FAF1: variants seen among roughly 807,000 people sequenced by gnomAD.
The protein encoded by FAF1 is Fas associated factor 1.
A neutral mutation model predicts 92.5 loss-of-function variants in FAF1; 25 were observed. That is an observed-to-expected ratio of 0.27 (90% confidence interval 0.20 to 0.38). FAF1 has a LOEUF of 0.38. FAF1 is among the 10% of genes least tolerant of loss of function. The pLI, the probability that FAF1 is intolerant of heterozygous loss-of-function variation, is 1.00. For synonymous variants in FAF1, 234 were observed against 273.2 expected (o/e 0.86, Z 1.42); for missense variants, 636 against 793.3 (o/e 0.80, Z 2.38).
chr1:50,751,173 T>A, intron 4 of FAF1, among the ~76,000 whole-genome samples: 1 of 150,582 alleles, frequency 6.6e-6, no homozygotes, highest in Non-Finnish European at 1.5e-5. Flanking sequence ...GAGCTAAACT[T>A]AGAGCAAAGT....
intron 18 of FAF1, among the ~76,000 whole-genome samples, chr1:50,456,575 A>C (rs776003423): frequency 2.6e-5 from 4 of 152,212 alleles, no homozygotes; most frequent in African/African-American, 4.8e-5. Context: ...AACCAACCAA[A>C]CAAACAAAAA....
intron 1 of FAF1, among the ~76,000 whole-genome samples, chr1:50,927,867 C>T (rs1645018233): frequency 6.6e-6 from 1 of 152,042 alleles, no homozygotes; most frequent in Admixed American, 6.6e-5. Flanking sequence ...TCTCTATGTG[C>T]CCTAATCTCC....
At position 50,880,047 on chromosome 1, in the gene FAF1, C is replaced by T. The variant is rs12028663; in HGVS notation, c.46-22050G>A. Among the ~76,000 whole-genome samples the T allele has an allele frequency of 0.011, 1,672 of 152,258 alleles. 95 individuals carry two copies. In the East Asian group the frequency reaches 0.15, roughly 14 times the overall value. ...ATCTTCTCTATTATTTATGCTAAAG[C>T]AAACACAAGATAGCCTGGGTTAAAA... is the stretch of plus-strand genomic sequence containing the variant. On this transcript the variant is annotated intron_variant, in intron 1 of 18. Coordinates refer to ENST00000396153, the MANE Select transcript of FAF1 (RefSeq NM_007051.3).
chr1:50,825,077 T>C (rs1644083425), intron 2 of FAF1, among the ~76,000 whole-genome samples: 1 of 152,102 alleles, frequency 6.6e-6, no homozygotes, highest in African/African-American at 2.4e-5. Context: ...ATTTAGTGTG[T>C]ATTTCAAAAT....
intron 1 of FAF1, among the ~76,000 whole-genome samples, chr1:50,940,556 G>A (rs868001421): frequency 2.0e-5 from 3 of 152,276 alleles, no homozygotes; most frequent in Middle Eastern, 3.4e-3. Context: ...CAACATGCCT[G>A]GTCTACACCA....
intron 7 of FAF1, among the ~76,000 whole-genome samples, chr1:50,699,629 T>C (rs1292867915): frequency 6.6e-6 from 1 of 152,138 alleles, no homozygotes; most frequent in African/African-American, 2.4e-5. Flanking sequence ...ACTCAAAAAA[T>C]ACATAAGTAA....
chr1:50,597,974 C>T (rs1288777691), intron 8 of FAF1, among the ~76,000 whole-genome samples: 3 of 152,134 alleles, frequency 2.0e-5, no homozygotes, highest in South Asian at 2.1e-4. Context: ...CTACTATTCA[C>T]TCGAATCAAT....
At chr1:50,639,413 A>AT (rs1654213744) in intron 8 of FAF1, among the ~76,000 whole-genome samples, 1 of 152,170 alleles carries the variant, frequency 6.6e-6, no homozygotes, top group Non-Finnish European at 1.5e-5. Flanking sequence ...TTGCTGATAG[A>AT]TTTTTATCAT....
At chr1:50,488,048 T>C (rs1314983124) in intron 17 of FAF1, among the ~76,000 whole-genome samples, 5 of 152,164 alleles carry the variant, frequency 3.3e-5, no homozygotes. Context: ...TTGGATAAGA[T>C]TGGACTAAAT....
intron 9 of FAF1, among the ~76,000 whole-genome samples, chr1:50,594,355 C>A (rs1201590088): frequency 6.6e-6 from 1 of 151,384 alleles, no homozygotes; most frequent in Non-Finnish European, 1.5e-5. Flanking sequence ...TAAAGTTCAT[C>A]TGTGCTATTT....
intron 13 of FAF1, among the ~76,000 whole-genome samples, chr1:50,561,337 T>C (rs1255941322): frequency 6.6e-6 from 1 of 152,164 alleles, no homozygotes; most frequent in Non-Finnish European, 1.5e-5. Context: ...TGAACATTTT[T>C]AGTTCATTCT....
chr1:50,527,277 T>C (rs1057299623), intron 15 of FAF1, among the ~76,000 whole-genome samples: 2 of 152,202 alleles, frequency 1.3e-5, no homozygotes, highest in Admixed American at 6.5e-5. Flanking sequence ...TATTGGCCAC[T>C]TGTATATCGT....
At chr1:50,894,120 G>A (rs539611358) in intron 1 of FAF1, among the ~76,000 whole-genome samples, 101 of 152,008 alleles carry the variant, frequency 6.6e-4, no homozygotes, top group African/African-American at 2.4e-3. Context: ...CCAACATGGT[G>A]AAACTCCGTC....
chr1:50,942,626 C>A (rs1389034716), intron 1 of FAF1, among the ~76,000 whole-genome samples: 1 of 152,118 alleles, frequency 6.6e-6, no homozygotes, highest in Non-Finnish European at 1.5e-5. Flanking sequence ...TACTTACTGG[C>A]AAGCTAACAA....
At chr1:50,541,835 A>G (rs1408718329) in intron 13 of FAF1, among the ~76,000 whole-genome samples, 1 of 152,292 alleles carries the variant, frequency 6.6e-6, no homozygotes, top group East Asian at 1.9e-4. Flanking sequence ...ATCTCAACAT[A>G]ATTTTGCCTG....
intron 18 of FAF1, among the ~76,000 whole-genome samples, chr1:50,444,679 T>C (rs913591343): frequency 6.6e-6 from 1 of 152,248 alleles, no homozygotes; most frequent in African/African-American, 2.4e-5. Context: ...GTGCCTACTA[T>C]GTAGCTGGGA....
intron 4 of FAF1, among the ~76,000 whole-genome samples, chr1:50,776,022 A>G (rs1391951715): frequency 2.0e-5 from 3 of 152,204 alleles, no homozygotes; most frequent in Non-Finnish European, 2.9e-5. Context: ...GAGCAGGTAG[A>G]TATCATATAA....
intron 8 of FAF1, among the ~76,000 whole-genome samples, chr1:50,614,859 A>G (rs1168721792): frequency 1.3e-5 from 2 of 151,568 alleles, no homozygotes; most frequent in South Asian, 2.1e-4. Flanking sequence ...AAAAAAAAAA[A>G]GTTTCCCAGC....
chr1:50,823,207 C>T (rs1214231406), intron 2 of FAF1, among the ~76,000 whole-genome samples: 1 of 152,200 alleles, frequency 6.6e-6, no homozygotes, highest in Non-Finnish European at 1.5e-5. Context: ...AAGGAAAACA[C>T]TCTTCCTTGT....
Sources: gnomAD v4.1 joint callset for allele counts (sites outside exome capture counted in the v4.1 genomes callset) on GRCh38, gnomAD v4.1.1 for gene constraint, MANE v1.5 for transcripts, NCBI Gene and HGNC (gene_info 2026-07-23, HGNC 2026-07-21) for gene names.